The following ERBB4 variants were observed in gnomAD, a reference collection of about 807,000 sequenced individuals.
ERBB4 encodes the protein receptor tyrosine-protein kinase erbB-4.
ERBB4 carries 42 observed loss-of-function variants against 158.0 expected under a neutral mutation model. The ratio of observed to expected loss-of-function variants is 0.27; its 90% confidence interval spans 0.21 to 0.34. The LOEUF is 0.34. Ranked by LOEUF, ERBB4 falls within the 10% of genes least tolerant of loss-of-function variation. The pLI, the probability that ERBB4 is intolerant of heterozygous loss-of-function variation, is 1.00. For synonymous variants in ERBB4, 583 were observed against 558.7 expected (o/e 1.04, Z -0.61); for missense variants, 1,333 against 1,624.1 (o/e 0.82, Z 3.08).
chr2:211,484,418 G>T (rs1176247925), intron 20 of ERBB4, among the ~76,000 whole-genome samples: 4 of 152,110 alleles, frequency 2.6e-5, no homozygotes, highest in Non-Finnish European at 5.9e-5. Flanking sequence ...TGAAAAGACA[G>T]AGATTGTTAG....
intron 1 of ERBB4, among the ~76,000 whole-genome samples, chr2:212,395,126 A>G (rs2090987050): frequency 6.6e-6 from 1 of 152,172 alleles, no homozygotes; most frequent in Admixed American, 6.6e-5. Flanking sequence ...ATATGTGTAT[A>G]TACATATTCT....
At chr2:211,515,913 T>TATATATATATATATATA (rs71054105) in intron 20 of ERBB4, among the ~76,000 whole-genome samples, 28 of 57,294 alleles carry the variant, frequency 4.9e-4, no homozygotes, top group African/African-American at 7.6e-4. Context: ...TATATATATA[T>TATATATATATATATATA]TTTTTTTTTT....
intron 1 of ERBB4, among the ~76,000 whole-genome samples, chr2:212,133,587 C>G (rs949391240): frequency 6.6e-6 from 1 of 150,926 alleles, no homozygotes; most frequent in Non-Finnish European, 1.5e-5. Context: ...ACAGGCATAG[C>G]TGTTCAGTAA....
intron 12 of ERBB4, among the ~76,000 whole-genome samples, chr2:211,683,486 A>G (rs2072440051): frequency 6.6e-6 from 1 of 152,120 alleles, no homozygotes; most frequent in South Asian, 2.1e-4. Flanking sequence ...ACATATGCAG[A>G]GATTCATCCA....
chr2:211,823,793 T>C (rs534037166), intron 3 of ERBB4, among the ~76,000 whole-genome samples: 4 of 152,170 alleles, frequency 2.6e-5, no homozygotes, highest in South Asian at 2.1e-4. Flanking sequence ...GTTTTCTAAA[T>C]GACTGGCACG....
At chr2:212,112,360 A>G (rs2079437189) in intron 2 of ERBB4, among the ~76,000 whole-genome samples, 2 of 152,014 alleles carry the variant, frequency 1.3e-5, no homozygotes, top group South Asian at 4.2e-4. Flanking sequence ...GCACTGAGTA[A>G]TCTTAGCTCT....
intron 20 of ERBB4, among the ~76,000 whole-genome samples, chr2:211,537,946 C>A (rs1196524516): frequency 6.6e-6 from 1 of 151,840 alleles, no homozygotes; most frequent in Non-Finnish European, 1.5e-5. Context: ...TGTGCACCTG[C>A]ATTAGAAAAT....
At chr2:212,109,832 G>A (rs1575645954) in intron 2 of ERBB4, among the ~76,000 whole-genome samples, 4 of 152,248 alleles carry the variant, frequency 2.6e-5, no homozygotes, top group East Asian at 1.9e-4. Context: ...TTGTTGTGAC[G>A]TTTCCCTTTC....
At chr2:211,868,830 A>G (rs192541876) in intron 3 of ERBB4, among the ~76,000 whole-genome samples, 91 of 152,052 alleles carry the variant, frequency 6.0e-4, no homozygotes, top group East Asian at 1.9e-4. Flanking sequence ...TTCTGACTCA[A>G]TTTTTCATTG....
rs192721518 is a variant in ERBB4, at chr2:211,578,926, G to C, written c.2302-16838C>G. Among the ~76,000 whole-genome samples the C allele has an allele frequency of 3.7e-4, 56 of 152,226 alleles. 1 individual carries two copies. The highest frequency in any genetic ancestry group is 3.4e-3 in the Middle Eastern group (1 of 294). On this transcript the variant is annotated intron_variant, in intron 19 of 27. Transcript: ENST00000342788. ...TTTCATGAAATCACCGAAAGCAATTGCAACAAAAGCAAAGATTGACAAATG... is the reference window on the plus strand; with the variant it reads ...TTTCATGAAATCACCGAAAGCAATTCCAACAAAAGCAAAGATTGACAAATG...
intron 7 of ERBB4, among the ~76,000 whole-genome samples, chr2:211,719,981 T>G (rs1019071672): frequency 6.6e-6 from 1 of 152,090 alleles, no homozygotes; most frequent in African/African-American, 2.4e-5. Context: ...GTACACGGCA[T>G]AAACATTGTT....
At chr2:211,545,573 G>A (rs560007715) in intron 20 of ERBB4, among the ~76,000 whole-genome samples, 15 of 151,984 alleles carry the variant, frequency 9.9e-5, no homozygotes, top group African/African-American at 3.4e-4. Flanking sequence ...TGATTTTAGG[G>A]CTCAACTCAG....
At chr2:211,527,229 C>A (rs182560967) in intron 20 of ERBB4, among the ~76,000 whole-genome samples, 1 of 151,968 alleles carries the variant, frequency 6.6e-6, no homozygotes, top group African/African-American at 2.4e-5. Flanking sequence ...CAATGGAGCA[C>A]CCACATGTAT....
At chr2:211,829,071 T>C (rs1295722201) in intron 3 of ERBB4, among the ~76,000 whole-genome samples, 1 of 152,246 alleles carries the variant, frequency 6.6e-6, no homozygotes, top group East Asian at 1.9e-4. Flanking sequence ...CATGGTTTCC[T>C]TTACTTTCAT....
chr2:212,087,055 T>C (rs1340444176), intron 2 of ERBB4, among the ~76,000 whole-genome samples: 1 of 151,898 alleles, frequency 6.6e-6, no homozygotes, highest in Non-Finnish European at 1.5e-5. Context: ...CCTGCTTCGG[T>C]GATGCAGAGA....
intron 2 of ERBB4, among the ~76,000 whole-genome samples, chr2:212,107,979 T>C (rs1487275422): frequency 1.3e-5 from 2 of 152,244 alleles, no homozygotes; most frequent in African/African-American, 4.8e-5. Flanking sequence ...AGTCTCGGGT[T>C]TGTCTTTATC....
intron 1 of ERBB4, among the ~76,000 whole-genome samples, chr2:212,509,739 G>T (rs1016937366): frequency 2.0e-5 from 3 of 151,880 alleles, no homozygotes; most frequent in Admixed American, 6.6e-5. Flanking sequence ...GAAACTGTAG[G>T]AAAAGCCACC....
intron 1 of ERBB4, among the ~76,000 whole-genome samples, chr2:212,156,037 C>G (rs2081026194): frequency 6.6e-6 from 1 of 151,998 alleles, no homozygotes. Flanking sequence ...ACAGGCTTCA[C>G]CAGACAAGCA....
chr2:211,608,875 A>T (rs1289894274), intron 19 of ERBB4, among the ~76,000 whole-genome samples: 2 of 152,176 alleles, frequency 1.3e-5, no homozygotes, highest in Non-Finnish European at 2.9e-5. Flanking sequence ...TTGGATGGAA[A>T]TCAGCCCACA....
Sources: gnomAD v4.1 joint callset for allele counts (sites outside exome capture counted in the v4.1 genomes callset) on GRCh38, gnomAD v4.1.1 for gene constraint, MANE v1.5 for transcripts, NCBI Gene and HGNC (gene_info 2026-07-23, HGNC 2026-07-21) for gene names.